Variants in NLGN1 observed in about 807,000 individuals in gnomAD.
The protein encoded by NLGN1 is neuroligin 1, also known as neuroligin-1.
A neutral mutation model predicts 65.5 loss-of-function variants in NLGN1; 12 were observed. The ratio of observed to expected loss-of-function variants is 0.18; its 90% CI spans 0.12 to 0.30. The LOEUF is 0.30. Ranked by LOEUF, NLGN1 falls within the 10% of genes least tolerant of loss-of-function variation. The pLI, the probability that NLGN1 is intolerant of heterozygous loss-of-function variation, is 1.00. For synonymous variants in NLGN1, 350 were observed against 359.5 expected (o/e 0.97, Z 0.30); for missense variants, 750 against 1,007.1 (o/e 0.74, Z 3.46).
intron 2 of NLGN1, among the ~76,000 whole-genome samples, chr3:173,572,522 G>A (rs1324970963): frequency 2.0e-5 from 3 of 152,188 alleles, no homozygotes; most frequent in Non-Finnish European, 4.4e-5. Flanking sequence ...GCAATTTCTG[G>A]ATGAAGAATC....
intron 4 of NLGN1, among the ~76,000 whole-genome samples, chr3:174,123,654 C>A (rs1478894763): frequency 6.6e-6 from 1 of 152,052 alleles, no homozygotes. Flanking sequence ...TGCTTCCATG[C>A]CTCATACACT....
chr3:174,187,919 T>C (rs999234054), intron 4 of NLGN1, among the ~76,000 whole-genome samples: 3 of 151,974 alleles, frequency 2.0e-5, no homozygotes, highest in African/African-American at 7.2e-5. Flanking sequence ...TAACTTTGCC[T>C]CCACGTTAAG....
chr3:173,617,719 C>T (rs1260482854), intron 3 of NLGN1, among the ~76,000 whole-genome samples: 2 of 152,192 alleles, frequency 1.3e-5, no homozygotes, highest in African/African-American at 2.4e-5. Context: ...TGCCTGTGCA[C>T]GTTACTGCCA....
intron 2 of NLGN1, among the ~76,000 whole-genome samples, chr3:173,438,176 C>T (rs996819492): frequency 4.1e-5 from 6 of 146,422 alleles, no homozygotes; most frequent in Admixed American, 3.3e-4. Flanking sequence ...ATAACTTTCA[C>T]TTTAATGGTG....
intron 4 of NLGN1, among the ~76,000 whole-genome samples, chr3:174,150,548 C>G (rs1426694629): frequency 1.3e-5 from 2 of 152,082 alleles, no homozygotes; most frequent in Non-Finnish European, 2.9e-5. Context: ...AGAGCCAACC[C>G]TACCTTCCTA....
intron 4 of NLGN1, among the ~76,000 whole-genome samples, chr3:174,273,695 A>AGTT (rs1749933668): frequency 6.6e-6 from 1 of 151,766 alleles, no homozygotes; most frequent in Admixed American, 6.6e-5. Context: ...TCTTAAGGAA[A>AGTT]GTTAACATTT....
chr3:173,739,603 C>A (rs1027313347), intron 3 of NLGN1, among the ~76,000 whole-genome samples: 2 of 151,936 alleles, frequency 1.3e-5, no homozygotes, highest in Admixed American at 1.3e-4. Flanking sequence ...TGTAAAAGAC[C>A]TCAGGGAAAG....
chr3:174,228,563 T>C (rs1036253038), intron 4 of NLGN1, among the ~76,000 whole-genome samples: 6 of 152,170 alleles, frequency 3.9e-5, no homozygotes, highest in African/African-American at 1.2e-4. Flanking sequence ...AGGTTAGATA[T>C]AGACGCTATT....
intron 2 of NLGN1, among the ~76,000 whole-genome samples, chr3:173,529,042 C>T (rs1444022076): frequency 6.6e-6 from 1 of 152,134 alleles, no homozygotes; most frequent in Non-Finnish European, 1.5e-5. Context: ...ATGCTGGATC[C>T]TTATCATCTA....
intron 2 of NLGN1, among the ~76,000 whole-genome samples, chr3:173,486,496 G>A (rs988786364): frequency 1.3e-5 from 2 of 152,250 alleles, no homozygotes; most frequent in East Asian, 1.9e-4. Flanking sequence ...TGGAGCAAAC[G>A]CTGTGGAGAA....
At chr3:174,034,015 A>G (rs1049775389) in intron 4 of NLGN1, among the ~76,000 whole-genome samples, 4 of 152,116 alleles carry the variant, frequency 2.6e-5, no homozygotes, top group South Asian at 2.1e-4. Flanking sequence ...TAAGCATATC[A>G]TATTCAAGCT....
chr3:174,028,558 A>T (rs1729301120), intron 4 of NLGN1, among the ~76,000 whole-genome samples: 1 of 152,204 alleles, frequency 6.6e-6, no homozygotes, highest in Non-Finnish European at 1.5e-5. Context: ...GTGTTCAAGA[A>T]GTGACTTGGG....
intron 4 of NLGN1, among the ~76,000 whole-genome samples, chr3:174,212,243 G>C (rs1234091810): frequency 6.6e-6 from 1 of 152,218 alleles, no homozygotes; most frequent in Non-Finnish European, 1.5e-5. Context: ...TCCGGGGCCA[G>C]CAGGGCTGGC....
chr3:173,871,537 T>G (rs953866108), intron 4 of NLGN1, among the ~76,000 whole-genome samples: 2 of 152,220 alleles, frequency 1.3e-5, no homozygotes, highest in African/African-American at 4.8e-5. Flanking sequence ...GTTACTTGAA[T>G]GGAAATATTT....
At chr3:173,943,229 C>CA (rs67146625) in intron 4 of NLGN1, among the ~76,000 whole-genome samples, 47,473 of 148,558 alleles carry the variant, frequency 0.32, 7,942 homozygotes, top group African/African-American at 0.44. Context: ...GTCTCAAAAA[C>CA]AAAAAAAAAT....
chr3:173,574,200 T>C (rs1320340436), intron 2 of NLGN1, among the ~76,000 whole-genome samples: 1 of 152,016 alleles, frequency 6.6e-6, no homozygotes, highest in Non-Finnish European at 1.5e-5. Context: ...GTTTTAAATT[T>C]AGATTAATTT....
At chr3:174,079,038 C>A (rs2152545700) in intron 4 of NLGN1, among the ~76,000 whole-genome samples, 1 of 151,986 alleles carries the variant, frequency 6.6e-6, no homozygotes, top group Middle Eastern at 3.4e-3. Context: ...ATATTTTTCC[C>A]TTTAGTCTCA....
At chr3:173,574,110 CATTAT>C (rs1745129127) in intron 2 of NLGN1, among the ~76,000 whole-genome samples, 1 of 149,870 alleles carries the variant, frequency 6.7e-6, no homozygotes, top group Non-Finnish European at 1.5e-5. Flanking sequence ...AAAACATTGC[CATTAT>C]ATCATGAAAG....
At chr3:174,292,430 A>G in the NLGN1 span, among the ~76,000 whole-genome samples, 3 of 151,398 alleles carry the variant, frequency 2.0e-5, no homozygotes, top group Non-Finnish European at 4.4e-5. Context: ...CTCACTATCT[A>G]AAGATACGAC....
Sources: allele counts gnomAD v4.1 joint callset (sites outside exome capture counted in the v4.1 genomes callset), GRCh38; gene constraint gnomAD v4.1.1; transcripts MANE v1.5; gene names NCBI Gene and HGNC (gene_info 2026-07-23, HGNC 2026-07-21).